The following ASPRV1 variants were observed in gnomAD, a reference collection of about 807,000 sequenced individuals.
ASPRV1 encodes retroviral-like aspartic protease 1.
In ASPRV1, 7 loss-of-function variants were observed where a neutral mutation model predicts 11.0. The ratio of observed to expected loss-of-function variants is 0.64; its 90% CI spans 0.36 to 1.20. The LOEUF (loss-of-function observed/expected upper bound fraction) is 1.20, where lower values mean the gene tolerates loss of function less well. Among genes scored for constraint, ASPRV1 ranks in the 50% most tolerant of loss-of-function variants. The probability of loss-of-function intolerance (pLI) is 0.02; values close to 1 mark genes in which losing one functional copy is unlikely to be tolerated. For synonymous variants in ASPRV1, 136 were observed against 138.4 expected, an observed-to-expected ratio of 0.98 and a Z score of 0.12; for missense variants, 299 against 320.0, an observed-to-expected ratio of 0.93 and a Z score of 0.50.
the ASPRV1 span, among the ~76,000 whole-genome samples, chr2:69,947,405 A>C: frequency 6.6e-6 from 1 of 152,188 alleles, no homozygotes; most frequent in Non-Finnish European, 1.5e-5. Context: ...TGAATCATGC[A>C]ACAGATCATC....
the ASPRV1 span, among the ~76,000 whole-genome samples, chr2:70,058,738 A>T: frequency 6.6e-6 from 1 of 150,384 alleles, no homozygotes; most frequent in Non-Finnish European, 1.5e-5. Context: ...TTTTTAGTAG[A>T]GACAGGGTTT....
chr2:69,968,733 G>A, the ASPRV1 span, among the ~76,000 whole-genome samples: 1 of 152,194 alleles, frequency 6.6e-6, no homozygotes, highest in Non-Finnish European at 1.5e-5. Flanking sequence ...CCAGCTCTTG[G>A]CCCACTCCTG....
chr2:70,034,079 C>CG, the ASPRV1 span, among the ~76,000 whole-genome samples: 1 of 142,238 alleles, frequency 7.0e-6, no homozygotes, highest in Non-Finnish European at 1.5e-5. Context: ...GCGTGAACCC[C>CG]GGGGGGTGGA....
At chr2:69,939,961 CAG>C in the ASPRV1 span, 1 of 152,262 alleles carries the variant, frequency 6.6e-6, no homozygotes, top group Non-Finnish European at 1.5e-5. Context: ...AGAGCAGTCT[CAG>C]AAAGCAAGAT....
At chr2:69,937,361 A>C in the ASPRV1 span, 1 of 1,613,534 alleles carries the variant, frequency 6.2e-7, no homozygotes, top group Non-Finnish European at 8.5e-7. Context: ...CATCGGCTCC[A>C]CCGTCTCCTC....
At chr2:69,954,302 C>T in the ASPRV1 span, among the ~76,000 whole-genome samples, 4 of 152,178 alleles carry the variant, frequency 2.6e-5, no homozygotes, top group African/African-American at 9.7e-5. Context: ...GAATCCTTTG[C>T]AGCACTGCCC....
downstream of ASPRV1, among the ~76,000 whole-genome samples, chr2:69,959,218 A>G (rs571837426): frequency 6.6e-6 from 1 of 152,236 alleles, no homozygotes; most frequent in African/African-American, 2.4e-5. Context: ...TCATGCCTCC[A>G]TCAAGAGGTC....
At chr2:69,986,893 T>G in the ASPRV1 span, among the ~76,000 whole-genome samples, 11 of 152,154 alleles carry the variant, frequency 7.2e-5, no homozygotes, top group Admixed American at 7.2e-4. Flanking sequence ...TGAAGAGGCG[T>G]CCTGTCGCAC....
chr2:69,968,224 A>T, the ASPRV1 span, among the ~76,000 whole-genome samples: 1 of 152,108 alleles, frequency 6.6e-6, no homozygotes, highest in African/African-American at 2.4e-5. Context: ...TAAGTTTTTT[A>T]AAAGGTGCTT....
upstream of ASPRV1, among the ~76,000 whole-genome samples, chr2:69,965,448 AAAAAACAAAAACAAAAAC>A (rs370106179): frequency 6.6e-6 from 1 of 150,432 alleles, no homozygotes; most frequent in Admixed American, 6.6e-5. Flanking sequence ...TGGGCTAAAA[AAAAAACAAAAACAAAAAC>A]AAAAACAAAA....
chr2:69,980,090 C>T, the ASPRV1 span, among the ~76,000 whole-genome samples: 1,735 of 152,332 alleles, frequency 0.011, 37 homozygotes, highest in African/African-American at 0.039. Flanking sequence ...GAGGGAGAAA[C>T]CAAGTCTGTA....
the ASPRV1 span, chr2:69,976,624 T>TA: frequency 6.6e-6 from 1 of 152,218 alleles, no homozygotes; most frequent in Non-Finnish European, 1.5e-5. Context: ...ACAATGACCC[T>TA]AAGTCATGAG....
chr2:69,998,943 AG>A, the ASPRV1 span, among the ~76,000 whole-genome samples: 1 of 152,190 alleles, frequency 6.6e-6, no homozygotes, highest in Admixed American at 6.5e-5. Flanking sequence ...GAGCCATAGC[AG>A]TAACAGCAGC....
the ASPRV1 span, among the ~76,000 whole-genome samples, chr2:70,016,553 C>T: frequency 6.6e-6 from 1 of 152,016 alleles, no homozygotes; most frequent in Non-Finnish European, 1.5e-5. Flanking sequence ...AATTCAACAA[C>T]ACATTAAAAA....
At chr2:70,085,628 T>C in the ASPRV1 span, 2 of 140,796 alleles carry the variant, frequency 1.4e-5, no homozygotes, top group South Asian at 4.5e-4. Context: ...TCTTCCTCTG[T>C]TTAAAAGAGA....
the ASPRV1 span, among the ~76,000 whole-genome samples, chr2:69,950,356 G>A: frequency 6.6e-6 from 1 of 152,102 alleles, no homozygotes; most frequent in Non-Finnish European, 1.5e-5. Context: ...GCATCTCTAA[G>A]CCTGGGCTTT....
At chr2:70,057,485 CTT>C in the ASPRV1 span, among the ~76,000 whole-genome samples, 1 of 147,106 alleles carries the variant, frequency 6.8e-6, no homozygotes, top group Non-Finnish European at 1.5e-5. Context: ...CATTATGTAT[CTT>C]TTTTTTTTTG....
chr2:69,995,963 C>T, the ASPRV1 span, among the ~76,000 whole-genome samples: 1 of 152,024 alleles, frequency 6.6e-6, no homozygotes, highest in Non-Finnish European at 1.5e-5. Context: ...TCCTTTATTC[C>T]AAATCTCTTT....
chr2:70,018,538 T>C, the ASPRV1 span, among the ~76,000 whole-genome samples: 2 of 152,038 alleles, frequency 1.3e-5, no homozygotes, highest in African/African-American at 2.4e-5. Context: ...TACAAAGCTG[T>C]AGTAACCAAA....
Sources: allele counts gnomAD v4.1 joint callset (sites outside exome capture counted in the v4.1 genomes callset), GRCh38; gene constraint gnomAD v4.1.1; transcripts MANE v1.5; gene names NCBI Gene and HGNC (gene_info 2026-07-23, HGNC 2026-07-21).